The following OPCML variants were observed in gnomAD, a reference collection of about 807,000 sequenced individuals.
OPCML encodes the protein opioid binding protein/cell adhesion molecule like.
A neutral mutation model predicts 37.8 loss-of-function variants in OPCML; 13 were observed. The observed-to-expected ratio is 0.34, with a 90% CI of 0.22 to 0.55. The LOEUF (loss-of-function observed/expected upper bound fraction) is 0.55, where lower values mean the gene tolerates loss of function less well. Among genes scored for constraint, OPCML ranks in the 20% least tolerant of loss-of-function variants. The probability of loss-of-function intolerance (pLI) is 0.91; values close to 1 mark genes in which losing one functional copy is unlikely to be tolerated. For synonymous variants in OPCML, 176 were observed against 168.8 expected (o/e 1.04, Z -0.33); for missense variants, 341 against 435.6 (o/e 0.78, Z 1.93).
chr11:133,497,076 T>C (rs1254575984), intron 1 of OPCML, among the ~76,000 whole-genome samples: 1 of 152,202 alleles, frequency 6.6e-6, no homozygotes, highest in Non-Finnish European at 1.5e-5. Flanking sequence ...GTGTGTCCCT[T>C]GTATGCCGAT....
At chr11:133,230,273 G>A (rs1353688023) in intron 1 of OPCML, among the ~76,000 whole-genome samples, 13 of 152,192 alleles carry the variant, frequency 8.5e-5, no homozygotes, top group Admixed American at 7.2e-4. Flanking sequence ...GTGTCATGAA[G>A]CGTGGTGATG....
At chr11:133,095,716 CAG>C (rs911969534) in intron 1 of OPCML, among the ~76,000 whole-genome samples, 2 of 149,904 alleles carry the variant, frequency 1.3e-5, no homozygotes, top group Non-Finnish European at 3.0e-5. Flanking sequence ...AAAAAAAAAT[CAG>C]AGGAAAAGAC....
intron 1 of OPCML, among the ~76,000 whole-genome samples, chr11:133,030,714 C>T (rs940655372): frequency 1.3e-5 from 2 of 152,096 alleles, no homozygotes; most frequent in African/African-American, 4.8e-5. Flanking sequence ...TAAAACTGCT[C>T]ATTTTAGATT....
intron 1 of OPCML, among the ~76,000 whole-genome samples, chr11:133,414,308 C>T (rs897976160): frequency 1.3e-5 from 2 of 152,110 alleles, no homozygotes; most frequent in African/African-American, 2.4e-5. Context: ...CTGAGATTTA[C>T]CAAAATCACC....
intron 1 of OPCML, among the ~76,000 whole-genome samples, chr11:133,403,607 T>A (rs1945458609): frequency 2.0e-5 from 3 of 152,336 alleles, no homozygotes; most frequent in South Asian, 4.1e-4. Context: ...CTTAGGAGAT[T>A]ACCCTTTTAT....
At chr11:132,422,369 G>A (rs1236863307) in intron 7 of OPCML, among the ~76,000 whole-genome samples, 1 of 152,208 alleles carries the variant, frequency 6.6e-6, no homozygotes, top group Non-Finnish European at 1.5e-5. Flanking sequence ...CTCAGAGAGA[G>A]AAGGAGGCAG....
chr11:132,767,837 A>G (rs1411502432), intron 2 of OPCML, among the ~76,000 whole-genome samples: 1 of 152,148 alleles, frequency 6.6e-6, no homozygotes, highest in African/African-American at 2.4e-5. Context: ...CTGCAGTTGA[A>G]TTAAATATGG....
chr11:133,462,286 TA>T (rs1332934670), intron 1 of OPCML, among the ~76,000 whole-genome samples: 1 of 152,058 alleles, frequency 6.6e-6, no homozygotes, highest in East Asian at 1.9e-4. Flanking sequence ...GATTTGGCAA[TA>T]ATTTTTTCGA....
chr11:133,080,675 C>T (rs1370630848), intron 1 of OPCML, among the ~76,000 whole-genome samples: 1 of 152,110 alleles, frequency 6.6e-6, no homozygotes, highest in Non-Finnish European at 1.5e-5. Context: ...CGTTTATTTT[C>T]ACTCATTCTA....
At chr11:133,024,563 A>G (rs1035239657) in intron 1 of OPCML, 13 of 985,164 alleles carry the variant, frequency 1.3e-5, no homozygotes, top group African/African-American at 1.7e-5. Context: ...CATGTACAAC[A>G]AAGAACTACA....
intron 2 of OPCML, among the ~76,000 whole-genome samples, chr11:132,680,187 C>A (rs1027087344): frequency 6.6e-6 from 1 of 152,174 alleles, no homozygotes. Context: ...GCACCTGCCC[C>A]TCACCCAGTG....
At position 133,361,910 on chromosome 11, in the gene OPCML, C is replaced by A. The variant is rs151247189; in HGVS notation, c.61+170354G>T. 3.6e-3 allele frequency: 550 copies of A among 152,424 alleles called. 2 individuals carry two copies. Among genetic ancestry groups the A allele is most frequent in the Non-Finnish European group, 6.4e-3 (434 of 68,136 alleles). The allele number at this position is 152,424 out of a possible 1,614,324, so 9.4% of individuals were successfully genotyped here. On this transcript the variant is annotated intron_variant, in intron 1 of 7. Transcript: ENST00000524381. ...CATGGAGCTCTGTCAAATGACCCGACAAACCTTTGCAGCGCAGAGGCTTCT... is the reference window on the plus strand; with the variant it reads ...CATGGAGCTCTGTCAAATGACCCGAAAAACCTTTGCAGCGCAGAGGCTTCT...
At chr11:132,745,464 G>T (rs376167565) in intron 2 of OPCML, among the ~76,000 whole-genome samples, 3 of 145,620 alleles carry the variant, frequency 2.1e-5, no homozygotes, top group Non-Finnish European at 4.5e-5. Flanking sequence ...TTGAAAAATT[G>T]CATTAGCTTT....
intron 1 of OPCML, among the ~76,000 whole-genome samples, chr11:132,963,722 T>C (rs1477509221): frequency 1.3e-5 from 2 of 151,820 alleles, no homozygotes; most frequent in Admixed American, 6.6e-5. Flanking sequence ...TGTCAGCAAA[T>C]ATTAGCTCTT....
rs1332080307 is a variant in OPCML, at chr11:133,174,047, C to A, written c.62-231037G>T. Among the ~76,000 whole-genome samples, 5 of 152,204 alleles carry A rather than the reference C, an allele frequency of 3.3e-5. No homozygotes were observed. The highest frequency in any genetic ancestry group is 6.5e-5 in the Admixed American group (1 of 15,288). ...AAACGGCCTGGCAGGCCCTGCACTG[C>A]GGCCATAAATCAGGAACTAATTCAA... On this transcript the variant is annotated intron_variant, in intron 1 of 7. Coordinates refer to ENST00000524381, the MANE Select transcript of OPCML (RefSeq NM_001012393.5). The surrounding 1 kb of genome is among the most constrained non-coding windows in gnomAD (Gnocchi z 4.6).
At chr11:132,810,204 C>G (rs1939261127) in intron 2 of OPCML, among the ~76,000 whole-genome samples, 1 of 152,162 alleles carries the variant, frequency 6.6e-6, no homozygotes, top group South Asian at 2.1e-4. Flanking sequence ...TGTAGGCAGC[C>G]ATACCTGCCT....
At chr11:133,073,599 G>A (rs1029970996) in intron 1 of OPCML, among the ~76,000 whole-genome samples, 2 of 152,196 alleles carry the variant, frequency 1.3e-5, no homozygotes, top group Non-Finnish European at 2.9e-5. Context: ...AGTTACATCA[G>A]CTCCATTTAC....
chr11:132,566,846 T>A (rs1353203420), intron 3 of OPCML, among the ~76,000 whole-genome samples: 2 of 151,304 alleles, frequency 1.3e-5, no homozygotes, highest in East Asian at 1.9e-4. Context: ...AGTACAGGAG[T>A]GAAACTGGGA....
At position 132,943,740 on chromosome 11, in the gene OPCML, C is replaced by A. The variant is rs1222398643; in HGVS notation, c.62-730G>T. 6.6e-6 allele frequency: 1 copy of A among 151,016 alleles called. No homozygotes were observed. The highest frequency in any genetic ancestry group is 1.5e-5 in the Non-Finnish European group (1 of 67,692). The allele number at this position is 151,016 out of a possible 1,614,324, so 9.4% of individuals were successfully genotyped here. A position where few individuals can be genotyped will look rare whatever the true frequency, so the allele number is the denominator to read the frequency against. On this transcript the variant is annotated intron_variant, in intron 1 of 7. Transcript: ENST00000524381. The surrounding 1 kb of genome is among the most constrained non-coding windows in gnomAD (Gnocchi z 4.3). The stretch of plus-strand genomic sequence containing the variant: ...CCTCTGCAGCCCGGTCGGCGACTCG[C>A]GGCCAGCCGGGGGAGCGCCGCCCGG...
Sources: gnomAD v4.1 joint callset for allele counts (sites outside exome capture counted in the v4.1 genomes callset) on GRCh38, gnomAD v4.1.1 for gene constraint, Gnocchi (gnomAD v3.1) non-coding constraint, MANE v1.5 for transcripts, NCBI Gene and HGNC (gene_info 2026-07-23, HGNC 2026-07-21) for gene names.